ARHGAP26: variants seen among roughly 807,000 people sequenced by gnomAD.
The protein encoded by ARHGAP26 is rho GTPase-activating protein 26.
A neutral mutation model predicts 104.8 loss-of-function variants in ARHGAP26; 38 were observed. The ratio of observed to expected loss-of-function variants is 0.36; its 90% confidence interval spans 0.28 to 0.48. ARHGAP26 has a LOEUF of 0.48. Ranked by LOEUF, ARHGAP26 falls within the 20% of genes least tolerant of loss-of-function variation. ARHGAP26 has a pLI of 0.99. For synonymous variants in ARHGAP26, 341 were observed against 340.0 expected (o/e 1.00, Z -0.03); for missense variants, 704 against 947.9 (o/e 0.74, Z 3.38).
chr5:142,841,432 T>G (rs1389190237), intron 1 of ARHGAP26, among the ~76,000 whole-genome samples: 3 of 152,126 alleles, frequency 2.0e-5, no homozygotes, highest in Non-Finnish European at 4.4e-5. Context: ...ACGGTGTAAT[T>G]AAGGAAAGAT....
At chr5:143,010,484 G>A (rs1778584564) in intron 11 of ARHGAP26, among the ~76,000 whole-genome samples, 1 of 152,250 alleles carries the variant, frequency 6.6e-6, no homozygotes, top group Non-Finnish European at 1.5e-5. Context: ...CTGTGACTGA[G>A]CCACCATCTG....
chr5:142,788,743 A>C (rs759831987), intron 1 of ARHGAP26, among the ~76,000 whole-genome samples: 1 of 152,230 alleles, frequency 6.6e-6, no homozygotes, highest in East Asian at 1.9e-4. Context: ...ATGCCATTTC[A>C]TATCAGGGAC....
chr5:142,988,467 G>A (rs1257426673), intron 11 of ARHGAP26, among the ~76,000 whole-genome samples: 2 of 151,972 alleles, frequency 1.3e-5, no homozygotes, highest in African/African-American at 4.8e-5. Flanking sequence ...ATTTTTTGAA[G>A]GGTTTTTTGT....
chr5:143,045,675 C>G (rs1032287752), intron 14 of ARHGAP26, among the ~76,000 whole-genome samples: 1 of 152,186 alleles, frequency 6.6e-6, no homozygotes, highest in East Asian at 1.9e-4. Context: ...CCAAGGCTCT[C>G]AAAAGTGGAG....
chr5:143,065,542 C>T (rs1424632933), intron 17 of ARHGAP26, among the ~76,000 whole-genome samples: 1 of 152,160 alleles, frequency 6.6e-6, no homozygotes, highest in Non-Finnish European at 1.5e-5. Flanking sequence ...TCTTATGTAA[C>T]CTTGCATGTG....
rs531890869 is a variant in ARHGAP26 at position 143,131,781 on chromosome 5, G to T, written c.1699-2186G>T. Among the ~76,000 whole-genome samples the T allele has an allele frequency of 2.0e-5, 3 of 152,312 alleles. No individual in the cohort carries two copies. The South Asian group carries it at 6.2e-4, about 32-fold the overall frequency. ...TCATGGGATGCATCTGCCTAGCATAGTGCCTGGTAGGTGCAAAACTCATAC... is the reference window on the plus strand; with the variant it reads ...TCATGGGATGCATCTGCCTAGCATATTGCCTGGTAGGTGCAAAACTCATAC... On this transcript the variant is annotated intron_variant, in intron 18 of 22. Transcript: ENST00000645722.
chr5:143,177,888 A>T (rs574152794), intron 20 of ARHGAP26, among the ~76,000 whole-genome samples: 1 of 151,408 alleles, frequency 6.6e-6, no homozygotes, highest in African/African-American at 2.4e-5. Context: ...GATGGAAAGC[A>T]TGATGAGTGC....
intron 11 of ARHGAP26, among the ~76,000 whole-genome samples, chr5:142,947,788 A>G (rs1400399578): frequency 6.6e-6 from 1 of 152,202 alleles, no homozygotes; most frequent in Non-Finnish European, 1.5e-5. Context: ...GTTCTTCACT[A>G]TAATCCCAGA....
chr5:143,203,395 T>C (rs1259779358), intron 20 of ARHGAP26: 3 of 152,234 alleles, frequency 2.0e-5, no homozygotes, highest in African/African-American at 7.2e-5. Context: ...CCAGTTAGAA[T>C]GGCAATCATT....
chr5:142,900,745 G>A (rs1760207634), intron 6 of ARHGAP26, among the ~76,000 whole-genome samples: 1 of 152,010 alleles, frequency 6.6e-6, no homozygotes, highest in Non-Finnish European at 1.5e-5. Flanking sequence ...TACATAATAA[G>A]TAATGTTTAA....
intron 12 of ARHGAP26, among the ~76,000 whole-genome samples, chr5:143,016,323 A>G (rs1218548882): frequency 6.6e-6 from 1 of 152,238 alleles, no homozygotes; most frequent in Non-Finnish European, 1.5e-5. Context: ...TCACAGAGCA[A>G]AGAGAGTTGC....
intron 11 of ARHGAP26, among the ~76,000 whole-genome samples, chr5:142,949,163 TCC>T (rs1182147169): frequency 5.8e-5 from 3 of 51,894 alleles, no homozygotes; most frequent in African/African-American, 1.4e-4. Flanking sequence ...TAGTTGAATT[TCC>T]AGAGAGAGAG....
intron 11 of ARHGAP26, among the ~76,000 whole-genome samples, chr5:142,990,237 T>C (rs1358477309): frequency 6.6e-6 from 1 of 152,228 alleles, no homozygotes; most frequent in Non-Finnish European, 1.5e-5. Flanking sequence ...TTCTTCCACT[T>C]GATCAAATCG....
intron 17 of ARHGAP26, among the ~76,000 whole-genome samples, chr5:143,109,434 T>C (rs1460487353): frequency 6.6e-6 from 1 of 152,158 alleles, no homozygotes; most frequent in Non-Finnish European, 1.5e-5. Flanking sequence ...TTCTTATCTC[T>C]TTTTGGTTTT....
At chr5:143,029,866 A>G (rs893365839) in intron 12 of ARHGAP26, among the ~76,000 whole-genome samples, 1 of 152,168 alleles carries the variant, frequency 6.6e-6, no homozygotes, top group Non-Finnish European at 1.5e-5. Context: ...GTTGAATACC[A>G]GCTTTAGGGA....
At chr5:142,964,814 C>T (rs1037675289) in intron 11 of ARHGAP26, among the ~76,000 whole-genome samples, 7 of 152,002 alleles carry the variant, frequency 4.6e-5, no homozygotes, top group East Asian at 1.9e-4. Flanking sequence ...TCCCTGTGTG[C>T]GGCGACGAGA....
At chr5:142,964,588 C>CA (rs3836776) in intron 11 of ARHGAP26, among the ~76,000 whole-genome samples, 11 of 151,052 alleles carry the variant, frequency 7.3e-5, no homozygotes, top group African/African-American at 1.7e-4. Context: ...ACAACAGCAG[C>CA]AAAAAAAACC....
chr5:143,161,534 C>A (rs1801240030), intron 20 of ARHGAP26, among the ~76,000 whole-genome samples: 1 of 152,128 alleles, frequency 6.6e-6, no homozygotes, highest in Non-Finnish European at 1.5e-5. Context: ...CATTTTAAAG[C>A]AGAATATATA....
At chr5:142,789,163 G>A (rs1374653273) in intron 1 of ARHGAP26, among the ~76,000 whole-genome samples, 1 of 152,220 alleles carries the variant, frequency 6.6e-6, no homozygotes, top group Non-Finnish European at 1.5e-5. Flanking sequence ...CATTGGAAGA[G>A]TTAAATGGGG....
Sources: gnomAD v4.1 joint callset for allele counts (sites outside exome capture counted in the v4.1 genomes callset) on GRCh38, gnomAD v4.1.1 for gene constraint, MANE v1.5 for transcripts, NCBI Gene and HGNC (gene_info 2026-07-23, HGNC 2026-07-21) for gene names.